The following RPH3A variants were observed in gnomAD, a reference collection of about 807,000 sequenced individuals.
RPH3A encodes rabphilin-3A.
A neutral mutation model predicts 102.2 loss-of-function variants in RPH3A; 48 were observed. That is an observed-to-expected ratio of 0.47 (90% CI 0.37 to 0.60). RPH3A has a LOEUF of 0.60. Among genes scored for constraint, RPH3A ranks in the 20% least tolerant of loss-of-function variants. The pLI is 0.00. For synonymous variants in RPH3A, 310 were observed against 324.3 expected, an observed-to-expected ratio of 0.96 and a Z score of 0.47; for missense variants, 781 against 910.1, an observed-to-expected ratio of 0.86 and a Z score of 1.83.
intron 1 of RPH3A, among the ~76,000 whole-genome samples, chr12:112,746,853 C>T (rs1469377465): frequency 6.6e-6 from 1 of 152,096 alleles, no homozygotes; most frequent in African/African-American, 2.4e-5. Context: ...CCTCTCTCCC[C>T]ATCTCTTTCC....
At chr12:112,786,726 A>G (rs1169658807) in intron 1 of RPH3A, among the ~76,000 whole-genome samples, 2 of 152,224 alleles carry the variant, frequency 1.3e-5, no homozygotes, top group Non-Finnish European at 2.9e-5. Flanking sequence ...GAGCTCAGTC[A>G]TGATTCCTAA....
intron 1 of RPH3A, among the ~76,000 whole-genome samples, chr12:112,626,563 G>T (rs2135983394): frequency 6.7e-6 from 1 of 148,260 alleles, no homozygotes; most frequent in Non-Finnish European, 1.5e-5. Flanking sequence ...GAAACAACAG[G>T]TGCTGGAGAG....
At chr12:112,876,914 G>A in intron 13 of RPH3A, 48 bp downstream of exon 13, 1 of 1,443,618 alleles carries the variant, frequency 6.9e-7, no homozygotes, top group Non-Finnish European at 9.4e-7. Flanking sequence ...CACTTCAGGA[G>A]CCAAGCCCAG....
chr12:112,628,657 C>A lies in RPH3A; in HGVS notation c.-140+53338C>A, dbSNP rs569375083. Among the ~76,000 whole-genome samples, 41 of 137,908 alleles carry A rather than the reference C, an allele frequency of 3.0e-4. No homozygotes were observed. The East Asian group carries it at 8.6e-3, about 29-fold the overall frequency. The allele number at this position is 137,908 out of a possible 152,430, so 90.5% of individuals were successfully genotyped here. On this transcript the variant is annotated intron_variant, in intron 1 of 21. Transcript: ENST00000543106. ...TATCTGTAGTCCCAGCTACTCAAGG[C>A]AGGAGGATCCTTGAGTCCAGGAGTT...
At chr12:112,884,868 C>T (rs530840336) in intron 16 of RPH3A, among the ~76,000 whole-genome samples, 1 of 152,266 alleles carries the variant, frequency 6.6e-6, no homozygotes, top group Admixed American at 6.5e-5. Context: ...CCACTGTGGC[C>T]CCTTCTTATT....
Position 112,894,592 on chromosome 12 carries a change from A to G in RPH3A, c.1790A>G (p.Asp597Gly). 1 of 1,613,930 alleles carries G rather than the reference A, an allele frequency of 6.2e-7. No homozygotes were observed. The highest frequency in any genetic ancestry group is 8.5e-7 in the Non-Finnish European group (1 of 1,179,946). The part of the protein sequence containing the change: ...DPFVKLWLKP[D>G]MGKKAKHKTQ... The stretch of plus-strand genomic sequence containing the variant: ...TCGCCTCCCAGCTGGCTGAAACCGG[A>G]CATGGGAAAGAAGGCCAAACACAAG... The change falls in exon 20 of 22, where the codon GAC (aspartate) becomes GGC (glycine). Residue 597 changes from aspartate to glycine, a missense_variant. Around this residue, in one of 2 missense-constraint regions of RPH3A, gnomAD observed 730 missense variants for 810.0 expected, o/e 0.90. Transcript: ENST00000389385.
intron 14 of RPH3A, among the ~76,000 whole-genome samples, chr12:112,880,964 G>A (rs771700595): frequency 2.3e-4 from 35 of 152,272 alleles, no homozygotes; most frequent in African/African-American, 8.2e-4. Context: ...AGGCTGAGGA[G>A]GATGAGGAAG....
intron 1 of RPH3A, among the ~76,000 whole-genome samples, chr12:112,668,454 A>G (rs1339495155): frequency 6.6e-6 from 1 of 152,184 alleles, no homozygotes; most frequent in Non-Finnish European, 1.5e-5. Context: ...AATGTGGCAC[A>G]TATACACCAT....
intron 10 of RPH3A, chr12:112,874,717 A>T (rs1430415494): frequency 4.6e-6 from 1 of 217,134 alleles, no homozygotes; most frequent in African/African-American, 2.3e-5. Flanking sequence ...TGTTCTGAGC[A>T]TTGCCTGTTT....
intron 1 of RPH3A, among the ~76,000 whole-genome samples, chr12:112,773,931 A>G (rs1049350653): frequency 6.6e-6 from 1 of 151,980 alleles, no homozygotes; most frequent in Non-Finnish European, 1.5e-5. Context: ...AAAGTATAAA[A>G]ATTAACTGGG....
At chr12:112,811,110 G>A (rs2041567516) in intron 2 of RPH3A, among the ~76,000 whole-genome samples, 2 of 152,222 alleles carry the variant, frequency 1.3e-5, no homozygotes, top group Admixed American at 6.5e-5. Context: ...GAAATACAGG[G>A]TTAGGTTCCT....
At chr12:112,719,676 G>A (rs569591340) in intron 1 of RPH3A, among the ~76,000 whole-genome samples, 19 of 87,974 alleles carry the variant, frequency 2.2e-4, no homozygotes, top group South Asian at 5.0e-4. Flanking sequence ...TTTGGGATAG[G>A]CATACAAGAA....
chr12:112,612,359 C>T lies in RPH3A; in HGVS notation c.-140+37040C>T, dbSNP rs116588289. ...TACTCTGCTTCTGAGAACACACACCCCTTTAACGGGCCCGAGAAACAGGGT... is the reference window on the plus strand; with the variant it reads ...TACTCTGCTTCTGAGAACACACACCTCTTTAACGGGCCCGAGAAACAGGGT... On this transcript the variant is annotated intron_variant, in intron 1 of 21. Transcript: ENST00000543106. Among the ~76,000 whole-genome samples the T allele has an allele frequency of 4.2e-3, 634 of 152,218 alleles. 6 individuals carry two copies. The highest frequency in any genetic ancestry group is 0.011 in the African/African-American group (437 of 41,514).
intron 1 of RPH3A, among the ~76,000 whole-genome samples, chr12:112,635,660 C>G (rs1013061401): frequency 6.6e-6 from 1 of 152,160 alleles, no homozygotes; most frequent in South Asian, 2.1e-4. Flanking sequence ...TCTCCTACCC[C>G]TTTTAGTGAT....
chr12:112,766,956 C>T (rs1056088495), intron 1 of RPH3A, among the ~76,000 whole-genome samples: 2 of 152,122 alleles, frequency 1.3e-5, no homozygotes, highest in East Asian at 1.9e-4. Context: ...CACAAAGGCG[C>T]GTTTCAAGGA....
At chr12:112,704,326 G>A (rs1236775093) in intron 1 of RPH3A, among the ~76,000 whole-genome samples, 2 of 152,156 alleles carry the variant, frequency 1.3e-5, no homozygotes, top group African/African-American at 4.8e-5. Flanking sequence ...CTGACCTCAG[G>A]TGATCCGCCC....
rs1434428566 is a variant in RPH3A, at chr12:112,757,915, G to T, written c.-139-34228G>T. On this transcript the variant is annotated intron_variant, in intron 1 of 21. Coordinates refer to the RPH3A transcript ENST00000543106. Reference sequence around the variant, plus strand: ...GCACGTGCCTCACTTTCTGGCCAGAGTGAGCTAGTAACAGCTTGTGTTCTC... The same window carrying T: ...GCACGTGCCTCACTTTCTGGCCAGATTGAGCTAGTAACAGCTTGTGTTCTC... Among the ~76,000 whole-genome samples the T allele has an allele frequency of 2.0e-5, 3 of 152,160 alleles. No individual in the cohort carries two copies. In the South Asian group the frequency reaches 6.2e-4, roughly 32 times the overall value.
chr12:112,771,904 G>A (rs551529590), intron 1 of RPH3A, among the ~76,000 whole-genome samples: 6 of 152,164 alleles, frequency 3.9e-5, no homozygotes, highest in South Asian at 4.2e-4. Context: ...CTTACTTGAG[G>A]GCAAGTGTAG....
intron 1 of RPH3A, among the ~76,000 whole-genome samples, chr12:112,688,929 A>C (rs575916822): frequency 1.1e-4 from 17 of 152,342 alleles, no homozygotes; most frequent in African/African-American, 4.1e-4. Flanking sequence ...TATCTTATTC[A>C]AGTCCTCCCT....
Sources: gnomAD v4.1 joint callset for allele counts (sites outside exome capture counted in the v4.1 genomes callset) on GRCh38, gnomAD v4.1.1 for gene constraint, gnomAD v4.1.1 regional missense constraint, MANE v1.5 for transcripts, NCBI Gene and HGNC (gene_info 2026-07-23, HGNC 2026-07-21) for gene names.